ZNF99: variants seen among roughly 807,000 people sequenced by gnomAD.
ZNF99 encodes zinc finger protein 99, also known as zinc finger protein ENSP00000375192.
Under a neutral mutation model 12.8 loss-of-function variants are expected in ZNF99, and 8 were observed. That is an observed-to-expected ratio of 0.62 (90% CI 0.37 to 1.13). The LOEUF (loss-of-function observed/expected upper bound fraction) is 1.13, where lower values mean the gene tolerates loss of function less well. Among genes scored for constraint, ZNF99 ranks in the 50% most tolerant of loss-of-function variants. The pLI is 0.02. For synonymous variants in ZNF99, 318 were observed against 319.0 expected (o/e 1.00, Z 0.03); for missense variants, 1,007 against 1,006.2 (o/e 1.00, Z -0.01).
chr19:22,776,216 T>C (rs1298234790), intron 1 of ZNF99, among the ~76,000 whole-genome samples: 2 of 151,138 alleles, frequency 1.3e-5, no homozygotes, highest in Admixed American at 6.6e-5. Context: ...CTGGGTGTGG[T>C]GGCAGGCGCC....
intron 1 of ZNF99, among the ~76,000 whole-genome samples, chr19:22,782,933 G>C (rs1973406062): frequency 2.0e-5 from 3 of 147,492 alleles, no homozygotes; most frequent in Admixed American, 2.0e-4. Context: ...CTCCCAAAGT[G>C]CTGGGATTAC....
At position 22,784,096 on chromosome 19, in the gene ZNF99, G is replaced by T; in HGVS notation, c.-80C>A. 1.3e-6 allele frequency: 2 copies of T among 1,539,360 alleles called. No homozygotes were observed. Among genetic ancestry groups the T allele is most frequent in the South Asian group, 2.3e-5 (2 of 87,696 alleles). ...AGGTCACAGGGCCACAGAGGCTAAG[G>T]ACACAGAGCAGTAAAAACGAGATCC... On this transcript the variant is annotated 5_prime_UTR_variant, in exon 1 of 4. Coordinates refer to ENST00000596209, the MANE Select transcript of ZNF99 (RefSeq NM_001080409.3).
chr19:22,757,284 C>T lies in ZNF99; in HGVS notation c.*30G>A, dbSNP rs769972362. On this transcript the variant is annotated 3_prime_UTR_variant, in exon 4 of 4. Transcript: ENST00000596209. The stretch of plus-strand genomic sequence containing the variant: ...TTGTTAAAAGCTTTGCCACATTCTT[C>T]ACATTTGTAGGGTTTCTTTCCAGTA... 1.9e-6 allele frequency: 3 copies of T among 1,613,166 alleles called. No individual in the cohort carries two copies. Among genetic ancestry groups the T allele is most frequent in the Non-Finnish European group, 2.5e-6 (3 of 1,179,628 alleles).
chr19:22,764,703 T>A (rs1427454781), intron 3 of ZNF99, among the ~76,000 whole-genome samples: 1 of 151,196 alleles, frequency 6.6e-6, no homozygotes, highest in African/African-American at 2.4e-5. Context: ...ACAGAAGATA[T>A]ACAAATGGCC....
At chr19:22,783,221 G>C (rs1470662385) in intron 1 of ZNF99, among the ~76,000 whole-genome samples, 1 of 151,976 alleles carries the variant, frequency 6.6e-6, no homozygotes, top group South Asian at 2.1e-4. Context: ...CGGAAGTTGC[G>C]TTGAGCCGAG....
intron 1 of ZNF99, chr19:22,769,818 T>G: frequency 8.0e-7 from 1 of 1,255,766 alleles, no homozygotes; most frequent in Non-Finnish European, 1.0e-6. Context: ...ATTCTCAAAC[T>G]CTGAGAAAAA....
At chr19:22,768,283 T>G in intron 3 of ZNF99, 22 bp downstream of exon 3, 1 of 1,613,076 alleles carries the variant, frequency 6.2e-7, no homozygotes, top group African/African-American at 1.3e-5. Flanking sequence ...TTGTGTTGTT[T>G]CTTGTATTCA....
intron 2 of ZNF99, 91 bp downstream of exon 2, chr19:22,769,107 C>A: frequency 7.3e-7 from 1 of 1,366,118 alleles, no homozygotes. Context: ...CTTATTTATG[C>A]TAAGCATAAA....
chr19:22,754,808 G>A lies in ZNF99; in HGVS notation c.*2506C>T, dbSNP rs1341774829. On this transcript the variant is annotated 3_prime_UTR_variant, in exon 4 of 4. Transcript: ENST00000596209. ...AATTAGGCTGGGCACGGTGGCTCAC[G>A]CCTTTAATCCCAGCACTTTGGGAGG... 5 of 197,544 alleles carry A rather than the reference G, an allele frequency of 2.5e-5. No homozygotes were observed. The highest frequency in any genetic ancestry group is 2.4e-4 in the South Asian group (3 of 12,512). 12.2% of individuals were successfully genotyped at this position (197,544 alleles called of 1,614,324 possible).
chr19:22,769,833 A>G (rs1184004422), intron 1 of ZNF99: 1 of 1,292,886 alleles, frequency 7.7e-7, no homozygotes, highest in Non-Finnish European at 1.0e-6. Flanking sequence ...GAAAAAAAGA[A>G]TGGCAGAAGA....
At position 22,754,265 on chromosome 19, in the gene ZNF99, G is replaced by A. The variant is rs1485259825; in HGVS notation, c.*3049C>T. ...GCCTGCAATCCCAGCTGCTTGGGAG[G>A]TTGAGGCCAGAGAATCGCTTGAACC... On this transcript the variant is annotated 3_prime_UTR_variant, in exon 4 of 4. Coordinates refer to ENST00000596209, the MANE Select transcript of ZNF99 (RefSeq NM_001080409.3). The A allele has an allele frequency of 4.6e-6, 2 of 438,558 alleles. No homozygotes were observed. Among genetic ancestry groups the A allele is most frequent in the African/African-American group, 2.0e-5 (1 of 49,036 alleles). 27.2% of individuals were successfully genotyped at this position (438,558 alleles called of 1,614,324 possible). A position where few individuals can be genotyped will look rare whatever the true frequency, so the allele number is the denominator to read the frequency against.
intron 1 of ZNF99, 34 bp from the exon 2 acceptor site, chr19:22,769,358 C>G: frequency 1.3e-6 from 2 of 1,582,380 alleles, no homozygotes; most frequent in Non-Finnish European, 1.7e-6. Flanking sequence ...TATAGATTTC[C>G]CAATTGGCCA....
chr19:22,779,981 C>T (rs1334203584), intron 1 of ZNF99, among the ~76,000 whole-genome samples: 2 of 152,052 alleles, frequency 1.3e-5, no homozygotes, highest in Admixed American at 1.3e-4. Flanking sequence ...TCAGTAAGAC[C>T]CTCCCAATCC....
chr19:22,763,563 T>A (rs1973172461), intron 3 of ZNF99, among the ~76,000 whole-genome samples: 1 of 152,124 alleles, frequency 6.6e-6, no homozygotes, highest in African/African-American at 2.4e-5. Flanking sequence ...CCAAAAGCAA[T>A]CTACAAATTA....
In ZNF99 at chr19:22,753,442, T is replaced by C. The variant is rs1349306187; in HGVS notation, c.*3872A>G. The C allele has an allele frequency of 6.6e-6, 1 of 152,102 alleles. No homozygotes were observed. The highest frequency in any genetic ancestry group is 1.5e-5 in the Non-Finnish European group (1 of 67,986). The allele number at this position is 152,102 out of a possible 1,614,324, so 9.4% of individuals were successfully genotyped here. ...CATCTACAAAAAAAACTTACTCTGT[T>C]TTCTAAGCTGTAGTTTATAAACTTT... On this transcript the variant is annotated 3_prime_UTR_variant, in exon 4 of 4. Transcript: ENST00000596209.
chr19:22,762,811 G>T (rs1973164701), intron 3 of ZNF99, among the ~76,000 whole-genome samples: 1 of 152,134 alleles, frequency 6.6e-6, no homozygotes, highest in Admixed American at 6.5e-5. Context: ...TCATACCAGT[G>T]ATGCAGGGAT....
Position 22,767,829 on chromosome 19 carries a change from A to G in ZNF99, c.226+476T>C, listed in dbSNP as rs1310805109. The stretch of plus-strand genomic sequence containing the variant: ...AAAAGTTTATTTGGCTCACAGTTCA[A>G]CAGACTGTACAAGAAGTATATGCCG... On this transcript the variant is annotated intron_variant, in intron 3 of 3. Transcript: ENST00000596209. Among the ~76,000 whole-genome samples, 3 of 152,214 alleles carry G rather than the reference A, an allele frequency of 2.0e-5. No individual in the cohort carries two copies. The East Asian group carries it at 5.8e-4, about 29-fold the overall frequency.
At position 22,757,339 on chromosome 19, in the gene ZNF99, G is replaced by C; in HGVS notation, c.2570C>G (p.Ser857Cys). 1 of 1,612,478 alleles carries C rather than the reference G, an allele frequency of 6.2e-7. No homozygotes were observed. Residue 857 changes from serine to cysteine, a missense_variant, in exon 4 of 4, where the codon TCT becomes TGT. Ser to Cys is a moderately radical substitution (Grantham distance 112). Coordinates refer to ENST00000596209, the MANE Select transcript of ZNF99 (RefSeq NM_001080409.3). ...TTATCTCATGTTTTCTAAGGGCTGA[G>C]AAATGTTTAAAAGCTTTGCCACATT... The part of the protein sequence containing the change: ...VKNVAKLLNI[S>C]QPLENMR
intron 1 of ZNF99, among the ~76,000 whole-genome samples, chr19:22,775,038 T>A (rs951199828): frequency 6.6e-6 from 1 of 152,140 alleles, no homozygotes; most frequent in African/African-American, 2.4e-5. Flanking sequence ...CAAAAACATT[T>A]TTAACAGAAC....
Sources: gnomAD v4.1 joint callset for allele counts (sites outside exome capture counted in the v4.1 genomes callset) on GRCh38, gnomAD v4.1.1 for gene constraint, MANE v1.5 for transcripts, NCBI Gene and HGNC (gene_info 2026-07-23, HGNC 2026-07-21) for gene names.